Variants in GRIK3 observed in about 807,000 individuals in gnomAD.
The protein encoded by GRIK3 is glutamate ionotropic receptor kainate type subunit 3.
In GRIK3, 29 loss-of-function variants were observed where a neutral mutation model predicts 102.5. The ratio of observed to expected loss-of-function variants is 0.28; its 90% confidence interval spans 0.21 to 0.39. The LOEUF is 0.39. Ranked by LOEUF, GRIK3 falls within the 10% of genes least tolerant of loss-of-function variation. The pLI, the probability that GRIK3 is intolerant of heterozygous loss-of-function variation, is 1.00. For synonymous variants in GRIK3, 511 were observed against 504.9 expected (o/e 1.01, Z -0.16); for missense variants, 908 against 1,252.4 (o/e 0.73, Z 4.15).
intron 1 of GRIK3, among the ~76,000 whole-genome samples, chr1:37,023,597 T>A (rs1642737313): frequency 6.6e-6 from 1 of 152,150 alleles, no homozygotes; most frequent in Non-Finnish European, 1.5e-5. Flanking sequence ...AATAAAGCCA[T>A]CAGACTCTGA....
Position 36,825,836 on chromosome 1 carries a change from G to A in GRIK3, c.1531-10C>T. 3.2e-6 allele frequency: 5 copies of A among 1,584,766 alleles called. No individual in the cohort carries two copies. Among genetic ancestry groups the A allele is most frequent in the African/African-American group, 1.3e-5 (1 of 74,154 alleles). ...CGGCCAGATCTGCCTTCTGCAACCA[G>A]ACAGAGAGAGAAAGACAGACTATGA... On this transcript the variant is annotated splice_polypyrimidine_tract_variant and intron_variant, in intron 10 of 15. Transcript: ENST00000373091.
intron 7 of GRIK3, among the ~76,000 whole-genome samples, chr1:36,858,310 A>T (rs978122818): frequency 6.6e-6 from 1 of 152,222 alleles, no homozygotes; most frequent in Non-Finnish European, 1.5e-5. Flanking sequence ...TCAAAGAGTT[A>T]ATCAGCTCAC....
intron 1 of GRIK3, among the ~76,000 whole-genome samples, chr1:36,964,374 A>G (rs1642058288): frequency 6.6e-6 from 1 of 152,192 alleles, no homozygotes; most frequent in Non-Finnish European, 1.5e-5. Flanking sequence ...AGGGGAGGAA[A>G]TCAGACCATG....
At chr1:37,014,565 C>A (rs566168430) in intron 1 of GRIK3, among the ~76,000 whole-genome samples, 53 of 152,360 alleles carry the variant, frequency 3.5e-4, no homozygotes, top group African/African-American at 1.3e-3. Context: ...CACCAGGTAA[C>A]CTGTTGAGCC....
At chr1:36,845,604 C>T (rs1398123745) in intron 9 of GRIK3, among the ~76,000 whole-genome samples, 4 of 152,340 alleles carry the variant, frequency 2.6e-5, no homozygotes, top group East Asian at 1.9e-4. Flanking sequence ...TGACAGGTAA[C>T]GTCAGCCCAT....
At chr1:36,866,356 G>A (rs1640784927) in intron 5 of GRIK3, among the ~76,000 whole-genome samples, 1 of 152,208 alleles carries the variant, frequency 6.6e-6, no homozygotes, top group Non-Finnish European at 1.5e-5. Flanking sequence ...CAGCATGATA[G>A]GTTTCAGCAG....
chr1:36,918,311 A>T (rs1641429310), intron 1 of GRIK3, among the ~76,000 whole-genome samples: 2 of 152,176 alleles, frequency 1.3e-5, no homozygotes, highest in African/African-American at 4.8e-5. Flanking sequence ...TTCATATATC[A>T]GGACCCCACC....
chr1:37,010,891 A>G lies in GRIK3; in HGVS notation c.115+23103T>C, dbSNP rs970949957. ...CGAGTAGCTGGGACTACAGGCGCCCACCACCGCGCCCGGCTAATTTTTTGT... is the reference window on the plus strand; with the variant it reads ...CGAGTAGCTGGGACTACAGGCGCCCGCCACCGCGCCCGGCTAATTTTTTGT... On this transcript the variant is annotated intron_variant, in intron 1 of 15. Coordinates refer to ENST00000373091, the MANE Select transcript of GRIK3 (RefSeq NM_000831.4). Among the ~76,000 whole-genome samples, 32 of 151,838 alleles carry G rather than the reference A, an allele frequency of 2.1e-4. No homozygotes were observed. In the East Asian group the frequency reaches 5.6e-3, roughly 27 times the overall value.
At chr1:36,961,895 G>A (rs1642014924) in intron 1 of GRIK3, among the ~76,000 whole-genome samples, 1 of 152,070 alleles carries the variant, frequency 6.6e-6, no homozygotes, top group South Asian at 2.1e-4. Context: ...CCTTGCTCTC[G>A]AGCTCACAGC....
chr1:36,809,353 A>G (rs530070147), intron 13 of GRIK3, among the ~76,000 whole-genome samples: 2 of 151,968 alleles, frequency 1.3e-5, no homozygotes, highest in Non-Finnish European at 2.9e-5. Context: ...TTATCCATCT[A>G]TCCAACCATC....
intron 1 of GRIK3, among the ~76,000 whole-genome samples, chr1:36,896,017 T>C (rs1641168255): frequency 6.6e-6 from 1 of 152,200 alleles, no homozygotes; most frequent in Non-Finnish European, 1.5e-5. Flanking sequence ...CCTATAATTC[T>C]GTATCCTGAG....
At chr1:36,984,905 G>A (rs940233190) in intron 1 of GRIK3, among the ~76,000 whole-genome samples, 4 of 152,234 alleles carry the variant, frequency 2.6e-5, no homozygotes, top group African/African-American at 9.6e-5. Flanking sequence ...GTGGGCAGCG[G>A]AGGGGGTGGC....
intron 1 of GRIK3, among the ~76,000 whole-genome samples, chr1:36,916,877 T>C (rs776112418): frequency 7.9e-5 from 12 of 152,150 alleles, no homozygotes; most frequent in South Asian, 4.1e-4. Context: ...AGAGTCTCTA[T>C]TGGGGCACCA....
At chr1:37,018,368 C>A (rs1642675233) in intron 1 of GRIK3, among the ~76,000 whole-genome samples, 1 of 152,160 alleles carries the variant, frequency 6.6e-6, no homozygotes, top group Non-Finnish European at 1.5e-5. Context: ...CCTTCTCGGA[C>A]CATCACTCAC....
intron 12 of GRIK3, among the ~76,000 whole-genome samples, chr1:36,817,971 C>T (rs995595917): frequency 2.6e-5 from 4 of 152,162 alleles, no homozygotes; most frequent in Non-Finnish European, 4.4e-5. Context: ...TTTTCTTCCC[C>T]GACCTTAGGT....
chr1:36,913,333 C>T (rs915619861), intron 1 of GRIK3, among the ~76,000 whole-genome samples: 3 of 152,192 alleles, frequency 2.0e-5, no homozygotes, highest in Non-Finnish European at 4.4e-5. Flanking sequence ...TCTAAGGTCA[C>T]TCCAGAAATG....
intron 2 of GRIK3, among the ~76,000 whole-genome samples, chr1:36,884,268 G>A (rs1024267322): frequency 6.6e-6 from 1 of 152,182 alleles, no homozygotes; most frequent in African/African-American, 2.4e-5. Flanking sequence ...GAGCAGGTGT[G>A]TGAGACAAAC....
chr1:36,890,978 G>A lies in GRIK3; in HGVS notation c.234C>T (p.Thr78=). 1.9e-6 allele frequency: 3 copies of A among 1,614,052 alleles called. No homozygotes were observed. The highest frequency in any genetic ancestry group is 1.3e-5 in the African/African-American group (1 of 75,058). Residue 78 remains threonine, a synonymous_variant, in exon 2 of 16, where the codon ACC becomes ACT. Coordinates refer to ENST00000373091, the MANE Select transcript of GRIK3 (RefSeq NM_000831.4). The stretch of plus-strand genomic sequence containing the variant: ...GAATCCTCTGTATGTCATAGGTCAA[G>A]GTTGTGTTGGGCAGCAGAGTCCTGT... The part of the protein sequence containing the change: ...NRNRTLLPNT[T]LTYDIQRIHF...
At chr1:36,987,950 C>T (rs537753322) in intron 1 of GRIK3, among the ~76,000 whole-genome samples, 10 of 152,250 alleles carry the variant, frequency 6.6e-5, no homozygotes, top group South Asian at 4.1e-4. Context: ...AGGCAGGGCA[C>T]GAAAGTCACC....
Sources: gnomAD v4.1 joint callset for allele counts (sites outside exome capture counted in the v4.1 genomes callset) on GRCh38, gnomAD v4.1.1 for gene constraint, MANE v1.5 for transcripts, NCBI Gene and HGNC (gene_info 2026-07-23, HGNC 2026-07-21) for gene names.